PXDNL: variants seen among roughly 807,000 people sequenced by gnomAD.
The protein encoded by PXDNL is peroxidasin like.
Under a neutral mutation model 150.8 loss-of-function variants are expected in PXDNL, and 145 were observed. The ratio of observed to expected loss-of-function variants is 0.96; its 90% CI spans 0.84 to 1.10. The LOEUF (loss-of-function observed/expected upper bound fraction) is 1.10. PXDNL is among the 50% of genes least tolerant of loss of function. PXDNL has a pLI of 0.00. For missense variants in PXDNL, 2,087 were observed against 1,873.9 expected (o/e 1.11, Z -2.10); for synonymous variants, 757 against 725.7 (o/e 1.04, Z -0.69).
chr8:51,671,362 C>T (rs533842699), intron 1 of PXDNL, among the ~76,000 whole-genome samples: 193 of 152,246 alleles, frequency 1.3e-3, no homozygotes, highest in African/African-American at 4.2e-3. Context: ...ATAGTGTCCT[C>T]CTTTGGAATT....
At position 51,789,493 on chromosome 8, in the gene PXDNL, G is replaced by GA. The variant is rs2037491371; in HGVS notation, c.164+19687dup. 2.6e-5 allele frequency among the ~76,000 whole-genome samples: 4 copies of GA among 151,892 alleles called. No homozygotes were observed. The South Asian group carries it at 8.3e-4, about 32-fold the overall frequency. ...ATATAGTCTTCATTATATAGAGGGA[G>GA]AAAAAAAGGAAAACCCAGAGGCTTG... On this transcript the variant is annotated intron_variant, in intron 1 of 22. Transcript: ENST00000356297.
intron 17 of PXDNL, among the ~76,000 whole-genome samples, chr8:51,401,758 T>C (rs1482865404): frequency 1.3e-5 from 2 of 152,204 alleles, no homozygotes; most frequent in African/African-American, 2.4e-5. Context: ...TTTTCTCTCT[T>C]TGCTGTATCT....
At chr8:51,488,091 G>T (rs1421193438) in intron 5 of PXDNL, among the ~76,000 whole-genome samples, 1 of 152,204 alleles carries the variant, frequency 6.6e-6, no homozygotes, top group Non-Finnish European at 1.5e-5. Flanking sequence ...CCAAAATAGT[G>T]AAGTAGATAT....
intron 1 of PXDNL, among the ~76,000 whole-genome samples, chr8:51,724,395 G>T (rs1816786277): frequency 6.6e-6 from 1 of 152,086 alleles, no homozygotes; most frequent in African/African-American, 2.4e-5. Flanking sequence ...CCATCTGTTT[G>T]GTTCTCCATT....
chr8:51,651,414 A>G (rs1214057712), intron 2 of PXDNL, among the ~76,000 whole-genome samples: 1 of 152,240 alleles, frequency 6.6e-6, no homozygotes, highest in Non-Finnish European at 1.5e-5. Context: ...ATAAAACGTC[A>G]GAGGAAATGT....
intron 1 of PXDNL, among the ~76,000 whole-genome samples, chr8:51,660,479 C>A (rs918813781): frequency 2.6e-5 from 4 of 152,068 alleles, no homozygotes; most frequent in Admixed American, 6.5e-5. Context: ...GCTCAGAGAG[C>A]AAAACAAATG....
At chr8:51,520,394 TG>T (rs1273192930) in intron 4 of PXDNL, among the ~76,000 whole-genome samples, 3 of 152,012 alleles carry the variant, frequency 2.0e-5, no homozygotes, top group Non-Finnish European at 4.4e-5. Flanking sequence ...GGGAAGGGAC[TG>T]GGGCAGGGAA....
intron 1 of PXDNL, among the ~76,000 whole-genome samples, chr8:51,798,260 G>T (rs1459118423): frequency 6.6e-6 from 1 of 152,122 alleles, no homozygotes; most frequent in Non-Finnish European, 1.5e-5. Context: ...ATACCATTCA[G>T]GACATAGGCA....
At chr8:51,681,910 CA>C (rs1815759138) in intron 1 of PXDNL, among the ~76,000 whole-genome samples, 1 of 152,022 alleles carries the variant, frequency 6.6e-6, no homozygotes, top group East Asian at 1.9e-4. Flanking sequence ...ATCTATCATA[CA>C]AATGACAGCA....
chr8:51,407,990 C>T, intron 17 of PXDNL, 77 bp downstream of exon 17: 2 of 1,325,032 alleles, frequency 1.5e-6, no homozygotes. Context: ...AACCAAATTC[C>T]AGCCACACAA....
rs368394939 is a variant in PXDNL at position 51,565,184 on chromosome 8, G to A, written c.309-8273C>T. On this transcript the variant is annotated intron_variant, in intron 3 of 22. Transcript: ENST00000356297. ...ATTCTATACCTGACTTCCTGTGGGA[G>A]GTCGTAGCTAAAACTCAGTCACACA... Among the ~76,000 whole-genome samples the A allele has an allele frequency of 7.9e-5, 12 of 151,652 alleles. No individual in the cohort carries two copies. The East Asian group carries it at 1.2e-3, about 15-fold the overall frequency.
intron 12 of PXDNL, among the ~76,000 whole-genome samples, chr8:51,429,131 T>C (rs891987301): frequency 6.6e-6 from 1 of 152,168 alleles, no homozygotes; most frequent in African/African-American, 2.4e-5. Context: ...CACAATGTGA[T>C]ATTACTACAC....
intron 3 of PXDNL, among the ~76,000 whole-genome samples, chr8:51,577,999 G>GAAAGAAAGAAAGAGGAAGGAAGGA (rs1409948869): frequency 3.2e-5 from 1 of 31,550 alleles, no homozygotes; most frequent in Non-Finnish European, 6.2e-5. Flanking sequence ...AAGAAAGAAA[G>GAAAGAAAGAAAGAGGAAGGAAGGA]AGGAAGGAAG....
At chr8:51,780,923 GT>G (rs915073840) in intron 1 of PXDNL, among the ~76,000 whole-genome samples, 10 of 150,780 alleles carry the variant, frequency 6.6e-5, no homozygotes, top group African/African-American at 2.2e-4. Context: ...GCCTCCCAGG[GT>G]GCTGGGATTA....
chr8:51,399,237 A>C (rs1169993958), intron 17 of PXDNL, among the ~76,000 whole-genome samples: 1 of 152,210 alleles, frequency 6.6e-6, no homozygotes, highest in Non-Finnish European at 1.5e-5. Flanking sequence ...TAGGTTTTTT[A>C]TTCAAGAAAA....
chr8:51,452,935 A>AACACACACACACACACACACAC (rs146990384), intron 10 of PXDNL, among the ~76,000 whole-genome samples: 2 of 142,562 alleles, frequency 1.4e-5, no homozygotes, highest in East Asian at 2.0e-4. Flanking sequence ...CACACACACA[A>AACACACACACACACACACACAC]ACACACACAC....
intron 19 of PXDNL, among the ~76,000 whole-genome samples, chr8:51,352,098 C>T (rs552574487): frequency 6.6e-6 from 1 of 152,136 alleles, no homozygotes; most frequent in East Asian, 1.9e-4. Flanking sequence ...ATCTCAACAA[C>T]CATCCACTGC....
chr8:51,379,745 A>G lies in PXDNL; in HGVS notation c.3558-5014T>C, dbSNP rs1302779008. Reference sequence around the variant, plus strand: ...AATTTCTTTCTTTCCCCAATGCCATAGAGATATTCTCTTTTATTTTTTGTG... The same window carrying G: ...AATTTCTTTCTTTCCCCAATGCCATGGAGATATTCTCTTTTATTTTTTGTG... On this transcript the variant is annotated intron_variant, in intron 17 of 22. Transcript: ENST00000356297. Among the ~76,000 whole-genome samples, 3 of 152,264 alleles carry G rather than the reference A, an allele frequency of 2.0e-5. No homozygotes were observed. The East Asian group carries it at 5.8e-4, about 29-fold the overall frequency.
intron 17 of PXDNL, among the ~76,000 whole-genome samples, chr8:51,388,208 C>A (rs537905698): frequency 1.2e-4 from 18 of 152,062 alleles, no homozygotes; most frequent in Non-Finnish European, 2.4e-4. Context: ...TATTGGCTTT[C>A]TTATTATTCG....
Sources: allele counts gnomAD v4.1 joint callset (sites outside exome capture counted in the v4.1 genomes callset), GRCh38; gene constraint gnomAD v4.1.1; transcripts MANE v1.5; gene names NCBI Gene and HGNC (gene_info 2026-07-23, HGNC 2026-07-21).